RORB: variants seen among roughly 807,000 people sequenced by gnomAD.
RORB encodes nuclear receptor ROR-beta.
A neutral mutation model predicts 59.1 loss-of-function variants in RORB; 6 were observed. That is an observed-to-expected ratio of 0.10 (90% CI 0.06 to 0.20). The LOEUF (loss-of-function observed/expected upper bound fraction) is 0.20. Ranked by LOEUF, RORB falls within the 10% of genes least tolerant of loss-of-function variation. The pLI is 1.00. For synonymous variants in RORB, 215 were observed against 204.5 expected (o/e 1.05, Z -0.44); for missense variants, 320 against 560.5 (o/e 0.57, Z 4.33).
intron 1 of RORB, among the ~76,000 whole-genome samples, chr9:74,550,700 T>C (rs1489966628): frequency 6.6e-6 from 1 of 152,212 alleles, no homozygotes; most frequent in East Asian, 1.9e-4. Flanking sequence ...ATTGTCAGGT[T>C]GATCCTATAT....
intron 1 of RORB, among the ~76,000 whole-genome samples, chr9:74,571,514 ATC>A (rs1822551707): frequency 6.6e-6 from 1 of 152,072 alleles, no homozygotes; most frequent in Non-Finnish European, 1.5e-5. Context: ...TGAAAAAGTT[ATC>A]GTTGTTAAAA....
chr9:74,593,464 T>C (rs1404797626), intron 1 of RORB, among the ~76,000 whole-genome samples: 1 of 35,144 alleles, frequency 2.8e-5, no homozygotes, highest in Non-Finnish European at 6.4e-5. Flanking sequence ...TCAAACTCCA[T>C]CTAAAAAAAA....
At chr9:74,556,960 T>G (rs975803748) in intron 1 of RORB, among the ~76,000 whole-genome samples, 1 of 152,184 alleles carries the variant, frequency 6.6e-6, no homozygotes, top group Non-Finnish European at 1.5e-5. Flanking sequence ...TAATTTTTTT[T>G]TCTGCTCTGA....
chr9:74,623,703 A>G (rs1823461838), intron 1 of RORB, among the ~76,000 whole-genome samples: 1 of 152,138 alleles, frequency 6.6e-6, no homozygotes, highest in Non-Finnish European at 1.5e-5. Flanking sequence ...GGTAGTCTGC[A>G]GTTTTACCAT....
At chr9:74,618,323 A>G (rs1004945186) in intron 1 of RORB, among the ~76,000 whole-genome samples, 1 of 146,182 alleles carries the variant, frequency 6.8e-6, no homozygotes, top group South Asian at 2.2e-4. Context: ...TAAAGTTACT[A>G]TTAGATTAGG....
intron 1 of RORB, among the ~76,000 whole-genome samples, chr9:74,516,593 C>T (rs941068951): frequency 3.9e-5 from 6 of 151,946 alleles, no homozygotes; most frequent in African/African-American, 1.4e-4. Context: ...AAACTTGCCT[C>T]TTAATGATTT....
chr9:74,502,262 TG>T (rs1825813374), intron 1 of RORB, among the ~76,000 whole-genome samples: 1 of 152,148 alleles, frequency 6.6e-6, no homozygotes, highest in South Asian at 2.1e-4. Context: ...ACAAAGTTTT[TG>T]GGTTGGTCTT....
Position 74,687,799 on chromosome 9 carries a change from C to T in RORB, c.*2181C>T, listed in dbSNP as rs962379131. On this transcript the variant is annotated 3_prime_UTR_variant, in exon 10 of 10. Transcript: ENST00000376896. ...TAGGAAAACAGGGTAATGGAAGGCACTCAATTAAACCAAGCCGTTTCCAAA... is the reference window on the plus strand; with the variant it reads ...TAGGAAAACAGGGTAATGGAAGGCATTCAATTAAACCAAGCCGTTTCCAAA... 5 of 152,132 alleles carry T rather than the reference C, an allele frequency of 3.3e-5. No homozygotes were observed. The highest frequency in any genetic ancestry group is 9.7e-5 in the African/African-American group (4 of 41,430). The allele number at this position is 152,132 out of a possible 1,614,324, so 9.4% of individuals were successfully genotyped here.
intron 1 of RORB, among the ~76,000 whole-genome samples, chr9:74,622,306 T>A (rs2118389661): frequency 6.6e-6 from 1 of 152,256 alleles, no homozygotes; most frequent in Admixed American, 6.5e-5. Context: ...TAATTCTGTT[T>A]CTTCTTTTCA....
chr9:74,614,558 T>C (rs904827713), intron 1 of RORB, among the ~76,000 whole-genome samples: 2 of 151,936 alleles, frequency 1.3e-5, no homozygotes, highest in Non-Finnish European at 2.9e-5. Flanking sequence ...TCCTAGAACA[T>C]CATGTTGTAT....
chr9:74,538,305 TTGTA>T (rs1826351913), intron 1 of RORB, among the ~76,000 whole-genome samples: 1 of 152,114 alleles, frequency 6.6e-6, no homozygotes, highest in Admixed American at 6.6e-5. Context: ...TGATGCATGA[TTGTA>T]TTCTTGTTCT....
intron 4 of RORB, among the ~76,000 whole-genome samples, chr9:74,657,528 C>T (rs145879288): frequency 0.012 from 1,861 of 152,234 alleles, 18 homozygotes; most frequent in Non-Finnish European, 0.019. Flanking sequence ...ACCTGGGATA[C>T]ATCTTTCTCT....
chr9:74,628,889 G>A (rs1379046199), intron 1 of RORB, among the ~76,000 whole-genome samples: 1 of 152,072 alleles, frequency 6.6e-6, no homozygotes, highest in African/African-American at 2.4e-5. Context: ...CCTGTGTGCT[G>A]ATTATTTAAA....
chr9:74,578,089 G>A (rs1822664576), intron 1 of RORB, among the ~76,000 whole-genome samples: 1 of 152,016 alleles, frequency 6.6e-6, no homozygotes, highest in Admixed American at 6.6e-5. Context: ...GGTCATACAG[G>A]AGCAAATGAG....
chr9:74,500,012 C>T (rs987136687), intron 1 of RORB, among the ~76,000 whole-genome samples: 12 of 152,146 alleles, frequency 7.9e-5, no homozygotes, highest in Admixed American at 4.6e-4. Context: ...TCCTGGTTCG[C>T]CACGGCGGTC....
At chr9:74,580,538 A>T (rs889469915) in intron 1 of RORB, among the ~76,000 whole-genome samples, 1 of 152,194 alleles carries the variant, frequency 6.6e-6, no homozygotes, top group Non-Finnish European at 1.5e-5. Context: ...TAATGGGAAG[A>T]TTAGAGAGAC....
rs749799866 is a variant in RORB, at chr9:74,562,101, A to G, written c.7+64118A>G. 5.4e-4 allele frequency among the ~76,000 whole-genome samples: 82 copies of G among 152,118 alleles called. 1 individual carries two copies. The highest frequency in any genetic ancestry group is 6.6e-4 in the Non-Finnish European group (45 of 68,028). On this transcript the variant is annotated intron_variant, in intron 1 of 9. Coordinates refer to ENST00000376896, the MANE Select transcript of RORB (RefSeq NM_006914.4). Reference sequence around the variant, plus strand: ...CATATTGCTGATGGTGTTTAATTAGATCATTTGCTTAAGGTGGGGTCTTGC... The same window carrying G: ...CATATTGCTGATGGTGTTTAATTAGGTCATTTGCTTAAGGTGGGGTCTTGC...
intron 1 of RORB, among the ~76,000 whole-genome samples, chr9:74,578,115 A>G (rs907965913): frequency 4.6e-5 from 7 of 151,558 alleles, no homozygotes; most frequent in African/African-American, 1.7e-4. Context: ...TAAACTTGGG[A>G]CTAAACACTG....
Position 74,595,921 on chromosome 9 carries a change from G to A in RORB, c.8-34361G>A, listed in dbSNP as rs1822964122. Reference sequence around the variant, plus strand: ...AGAACTGTGCGGTCCCTCTGTCTTAGCTAGTAAATTTCTGCAGGAGCTACA... The same window carrying A: ...AGAACTGTGCGGTCCCTCTGTCTTAACTAGTAAATTTCTGCAGGAGCTACA... On this transcript the variant is annotated intron_variant, in intron 1 of 9. Coordinates refer to ENST00000376896, the MANE Select transcript of RORB (RefSeq NM_006914.4). Among the ~76,000 whole-genome samples the A allele has an allele frequency of 1.3e-5, 2 of 152,126 alleles. 1 individual carries two copies. The highest frequency in any genetic ancestry group is 2.9e-5 in the Non-Finnish European group (2 of 68,036).
Sources: gnomAD v4.1 joint callset for allele counts (sites outside exome capture counted in the v4.1 genomes callset) on GRCh38, gnomAD v4.1.1 for gene constraint, MANE v1.5 for transcripts, NCBI Gene and HGNC (gene_info 2026-07-23, HGNC 2026-07-21) for gene names.